The following ATG16L1 variants were observed in gnomAD, a reference collection of about 807,000 sequenced individuals.
ATG16L1 encodes autophagy related 16 like 1, also known as autophagy-related protein 16-1.
Under a neutral mutation model 88.5 loss-of-function variants are expected in ATG16L1, and 37 were observed. The observed-to-expected ratio is 0.42, with a 90% CI of 0.32 to 0.55. ATG16L1 has a LOEUF of 0.55. Ranked by LOEUF, ATG16L1 falls within the 20% of genes least tolerant of loss-of-function variation. The probability of loss-of-function intolerance (pLI) is 0.13; values close to 1 mark genes in which losing one functional copy is unlikely to be tolerated. For synonymous variants in ATG16L1, 301 were observed against 281.0 expected, an observed-to-expected ratio of 1.07 and a Z score of -0.71; for missense variants, 554 against 752.8, an observed-to-expected ratio of 0.74 and a Z score of 3.09.
At chr2:233,274,843 G>T in intron 9 of ATG16L1, 65 bp downstream of exon 9, 1 of 1,259,228 alleles carries the variant, frequency 7.9e-7, no homozygotes, top group Non-Finnish European at 1.1e-6. Context: ...GCAATTAAAG[G>T]GTCCTTTCTA....
chr2:233,269,808 T>C (rs1697860110), intron 5 of ATG16L1, among the ~76,000 whole-genome samples, 194 bp from the exon 6 acceptor site: 1 of 152,216 alleles, frequency 6.6e-6, no homozygotes, highest in Non-Finnish European at 1.5e-5. Flanking sequence ...GGCTTTACTC[T>C]GAAACCCTTT....
At chr2:233,254,542 C>T (rs1696643579) in intron 1 of ATG16L1, among the ~76,000 whole-genome samples, 1 of 152,166 alleles carries the variant, frequency 6.6e-6, no homozygotes, top group African/African-American at 2.4e-5. Context: ...GGAAAGGCTT[C>T]CCTCCATCTC....
chr2:233,274,757 A>G lies in ATG16L1; in HGVS notation c.933A>G (p.Pro311=). Residue 311 remains proline, a synonymous_variant, in exon 9 of 18, where the codon CCA becomes CCG. Coordinates refer to ENST00000392017, the MANE Select transcript of ATG16L1 (RefSeq NM_030803.7). The part of the protein sequence containing the change: ...HPGSGKEVRV[P]ATALCVFDAH... ...GTTCTGGTAAAGAAGTGAGGGTACC[A>G]GCTACTGCCTTGTGTGTCTTCGTAA... 1 of 1,612,238 alleles carries G rather than the reference A, an allele frequency of 6.2e-7. No homozygotes were observed. Among genetic ancestry groups the G allele is most frequent in the Non-Finnish European group, 8.5e-7 (1 of 1,178,356 alleles).
intron 1 of ATG16L1, among the ~76,000 whole-genome samples, chr2:233,253,634 C>G (rs112770822): frequency 7.2e-5 from 11 of 152,266 alleles, no homozygotes; most frequent in African/African-American, 2.6e-4. Context: ...GCATGAGCCA[C>G]AGTGACCAGC....
At chr2:233,281,421 T>C (rs1422166815) in intron 11 of ATG16L1, among the ~76,000 whole-genome samples, 1 of 152,194 alleles carries the variant, frequency 6.6e-6, no homozygotes, top group African/African-American at 2.4e-5. Flanking sequence ...TTTCACTTAA[T>C]AGTTGTATTT....
chr2:233,286,621 C>CATTTTTTTTTTTTTTT (rs34087184), intron 12 of ATG16L1, among the ~76,000 whole-genome samples: 11 of 93,290 alleles, frequency 1.2e-4, no homozygotes, highest in African/African-American at 3.3e-4. Context: ...GAAGCCCAAA[C>CATTTTTTTTTTTTTTT]TTTTTTTTTT....
chr2:233,266,607 T>C (rs1697601297), intron 5 of ATG16L1, among the ~76,000 whole-genome samples: 1 of 152,134 alleles, frequency 6.6e-6, no homozygotes. Flanking sequence ...TAAATGACGA[T>C]AGGAAAGAGT....
intron 12 of ATG16L1, 139 bp from the exon 13 acceptor site, chr2:233,289,713 CTT>C: frequency 8.9e-7 from 1 of 1,120,520 alleles, no homozygotes; most frequent in Non-Finnish European, 1.3e-6. Flanking sequence ...CCTTTGCTGT[CTT>C]ATCGCTTTGA....
In ATG16L1 at chr2:233,290,264, T is replaced by C. The variant is rs541284510; in HGVS notation, c.1341T>C (p.Phe447=). The C allele has an allele frequency of 6.2e-7, 1 of 1,614,208 alleles. No individual in the cohort carries two copies. Among genetic ancestry groups the C allele is most frequent in the East Asian group, 2.2e-5 (1 of 44,886 alleles). The change falls in exon 14 of 18, where the codon TTT becomes TTC. Residue 447 remains phenylalanine (F), a synonymous_variant. Transcript: ENST00000392017. ...TTCTTTCAGGCATAAAGACAGTGTT[T>C]GCAGGATCCAGTTGCAATGATATTG... ...LRSKVCIKTV[F]AGSSCNDIVC...
In ATG16L1 at chr2:233,263,366, A is replaced by G; in HGVS notation, c.315+131A>G. ...ATATGTGGCATCAAAAGTCCCCTCC[A>G]TAGGAATAAAAGGGTGAGGAAAACA... On this transcript the variant is annotated intron_variant, in intron 3 of 17. Coordinates refer to ENST00000392017, the MANE Select transcript of ATG16L1 (RefSeq NM_030803.7). 8.0e-6 allele frequency: 6 copies of G among 748,932 alleles called. No individual in the cohort carries two copies. In the South Asian group the frequency reaches 1.1e-4, roughly 13 times the overall value. 46.4% of individuals were successfully genotyped at this position (748,932 alleles called of 1,614,324 possible).
intron 1 of ATG16L1, among the ~76,000 whole-genome samples, chr2:233,254,469 A>G (rs1034387769): frequency 6.6e-6 from 1 of 152,242 alleles, no homozygotes; most frequent in Non-Finnish European, 1.5e-5. Flanking sequence ...CCTGGAGTCT[A>G]TTCTCTGTTC....
intron 12 of ATG16L1, among the ~76,000 whole-genome samples, chr2:233,285,280 C>A (rs972042039): frequency 6.6e-6 from 1 of 152,040 alleles, no homozygotes; most frequent in African/African-American, 2.4e-5. Context: ...TATGATAGTC[C>A]CTTAGAGGAG....
intron 1 of ATG16L1, 55 bp downstream of exon 1, chr2:233,251,997 G>A: frequency 7.0e-7 from 1 of 1,422,488 alleles, no homozygotes; most frequent in Middle Eastern, 2.5e-4. Flanking sequence ...GCGGAGGCAT[G>A]CGGGGCGTCA....
chr2:233,273,874 G>C, intron 8 of ATG16L1, 97 bp downstream of exon 8: 1 of 1,509,912 alleles, frequency 6.6e-7, no homozygotes, highest in East Asian at 2.3e-5. Flanking sequence ...CCAGGTGTCA[G>C]TGATGCAGAG....
intron 5 of ATG16L1, among the ~76,000 whole-genome samples, chr2:233,269,296 A>G (rs1327075839): frequency 3.9e-5 from 6 of 152,232 alleles, no homozygotes; most frequent in African/African-American, 1.4e-4. Context: ...AAGTCTGTAA[A>G]GTAATTAACA....
At chr2:233,265,182 G>A in intron 5 of ATG16L1, 39 bp downstream of exon 5, 10 of 1,608,416 alleles carry the variant, frequency 6.2e-6, no homozygotes, top group Non-Finnish European at 8.5e-6. Context: ...TCCATCCTTA[G>A]TAGAGTAGAA....
chr2:233,264,584 G>C (rs190005364), intron 4 of ATG16L1, among the ~76,000 whole-genome samples: 5 of 152,306 alleles, frequency 3.3e-5, no homozygotes, highest in Admixed American at 3.3e-4. Flanking sequence ...CGCTTGCTCA[G>C]GCTTTTGCTC....
chr2:233,276,906 T>A (rs1413300075), intron 9 of ATG16L1, among the ~76,000 whole-genome samples: 1 of 152,258 alleles, frequency 6.6e-6, no homozygotes, highest in African/African-American at 2.4e-5. Flanking sequence ...CTGTCATTTT[T>A]ATCTAAGGCT....
At chr2:233,270,979 C>T (rs998121157) in intron 6 of ATG16L1, among the ~76,000 whole-genome samples, 1 of 152,130 alleles carries the variant, frequency 6.6e-6, no homozygotes, top group Non-Finnish European at 1.5e-5. Context: ...TCTTAATTTA[C>T]AAAGAAACAA....
Sources: gnomAD v4.1 joint callset for allele counts (sites outside exome capture counted in the v4.1 genomes callset) on GRCh38, gnomAD v4.1.1 for gene constraint, MANE v1.5 for transcripts, NCBI Gene and HGNC (gene_info 2026-07-23, HGNC 2026-07-21) for gene names.